The following NIPAL3 variants were observed in gnomAD, a reference collection of about 807,000 sequenced individuals.
NIPAL3 encodes NIPA-like protein 3.
A neutral mutation model predicts 47.2 loss-of-function variants in NIPAL3; 41 were observed. The ratio of observed to expected loss-of-function variants is 0.87; its 90% confidence interval spans 0.68 to 1.13. NIPAL3 has a LOEUF of 1.13. Ranked by LOEUF, NIPAL3 falls within the 50% of genes most tolerant of loss-of-function variation. NIPAL3 has a pLI of 0.00. For missense variants in NIPAL3, 449 were observed against 530.1 expected (o/e 0.85, Z 1.50); for synonymous variants, 194 against 209.6 (o/e 0.93, Z 0.64).
intron 8 of NIPAL3, among the ~76,000 whole-genome samples, chr1:24,457,518 G>A (rs142782727): frequency 7.9e-4 from 121 of 152,358 alleles, no homozygotes; most frequent in Middle Eastern, 6.8e-3. Context: ...TGCTGGCCCG[G>A]TGTGAGCCCA....
chr1:24,447,007 G>T (rs980370962), intron 5 of NIPAL3, among the ~76,000 whole-genome samples: 1 of 152,190 alleles, frequency 6.6e-6, no homozygotes, highest in Non-Finnish European at 1.5e-5. Context: ...AACAAGCTTG[G>T]TTTGTCCAAG....
chr1:24,421,216 A>G lies in NIPAL3; in HGVS notation c.93+1576A>G, dbSNP rs369634164. On this transcript the variant is annotated intron_variant, in intron 2 of 11. Transcript: ENST00000374399. Reference sequence around the variant, plus strand: ...ACCTACCACACAAAAAATACAAAAAATTAGCCAGGTGTGGTAGGACCACCT... The same window carrying G: ...ACCTACCACACAAAAAATACAAAAAGTTAGCCAGGTGTGGTAGGACCACCT... Among the ~76,000 whole-genome samples, 294 of 152,160 alleles carry G rather than the reference A, an allele frequency of 1.9e-3. 1 individual carries two copies. The highest frequency in any genetic ancestry group is 0.017 in the South Asian group (83 of 4,816).
rs371171488 is a variant in NIPAL3 at position 24,469,068 on chromosome 1, T to C, written c.1104T>C (p.Asn368=). 6.3e-5 allele frequency: 102 copies of C among 1,613,926 alleles called. No individual in the cohort carries two copies. Among genetic ancestry groups the C allele is most frequent in the South Asian group, 6.0e-4 (55 of 91,084 alleles). ...TTTCCTATGGGGCTCTGGAAAACAA[T>C]GACAACATTTCTGAGATCTACGCTC... ...ASFSYGALEN[N]DNISEIYAPA... is the part of the protein sequence containing the mutation. The change falls in exon 12 of 12, where the codon AAT becomes AAC. Residue 368 remains asparagine (N), a synonymous_variant. Transcript: ENST00000374399.
At position 24,419,293 on chromosome 1, in the gene NIPAL3, C is replaced by T; in HGVS notation, c.-255C>T. The T allele has an allele frequency of 8.4e-7, 1 of 1,196,054 alleles. No homozygotes were observed. The highest frequency in any genetic ancestry group is 1.0e-6 in the Non-Finnish European group (1 of 963,932). 74.1% of individuals were successfully genotyped at this position (1,196,054 alleles called of 1,614,324 possible). A position where few individuals can be genotyped will look rare whatever the true frequency, so the allele number is the denominator to read the frequency against. On this transcript the variant is annotated splice_region_variant and 5_prime_UTR_variant, in exon 2 of 12. Transcript: ENST00000374399. ...AATGTTCCTCTCCACCACCCTAGAG[C>T]ACCGCAAGAACTGGAAAACACACCC...
intron 11 of NIPAL3, chr1:24,465,708 T>C (rs974945428): frequency 3.3e-5 from 7 of 209,608 alleles, no homozygotes; most frequent in Non-Finnish European, 4.7e-5. Flanking sequence ...TCCTGCTGTG[T>C]GACCTCCCAA....
chr1:24,435,730 C>G (rs1056918556), intron 2 of NIPAL3, among the ~76,000 whole-genome samples: 3 of 152,200 alleles, frequency 2.0e-5, no homozygotes, highest in African/African-American at 7.2e-5. Flanking sequence ...TCTGTGTGGT[C>G]TCCGTTGACA....
chr1:24,441,959 T>C, intron 3 of NIPAL3, 96 bp from the exon 4 acceptor site: 1 of 1,320,176 alleles, frequency 7.6e-7, no homozygotes, highest in Non-Finnish European at 1.1e-6. Context: ...GTCTTCCCAA[T>C]TTATTTGCAA....
chr1:24,464,195 A>G, intron 11 of NIPAL3, 75 bp downstream of exon 11: 2 of 1,117,860 alleles, frequency 1.8e-6, no homozygotes, highest in Non-Finnish European at 2.6e-6. Context: ...AAAAGAGACA[A>G]CCAACTGCTG....
intron 7 of NIPAL3, 104 bp downstream of exon 7, chr1:24,453,608 T>A: frequency 1.1e-6 from 1 of 908,236 alleles, no homozygotes; most frequent in Non-Finnish European, 1.7e-6. Flanking sequence ...CAGAAGTTGC[T>A]TGAGACTGGC....
intron 5 of NIPAL3, among the ~76,000 whole-genome samples, chr1:24,446,933 C>T (rs1645698036): frequency 6.6e-6 from 1 of 152,094 alleles, no homozygotes; most frequent in African/African-American, 2.4e-5. Flanking sequence ...GATTGCCATC[C>T]CCAGGTCTGT....
chr1:24,418,538 T>C (rs987883419), intron 1 of NIPAL3, among the ~76,000 whole-genome samples: 1 of 152,148 alleles, frequency 6.6e-6, no homozygotes, highest in Non-Finnish European at 1.5e-5. Flanking sequence ...GAGGATTGCT[T>C]GAGCCCAGCT....
rs191011320 is a variant in NIPAL3 at position 24,471,790 on chromosome 1, C to G, written c.*2605C>G. ...GGGGGAATAAGTTACCTTCTCCGAG[C>G]CTGCAAGAACAAAAAACAAAAAGCA... On this transcript the variant is annotated 3_prime_UTR_variant, in exon 12 of 12. Transcript: ENST00000374399. 2 of 151,984 alleles carry G rather than the reference C, an allele frequency of 1.3e-5. No homozygotes were observed. The highest frequency in any genetic ancestry group is 2.9e-5 in the Non-Finnish European group (2 of 67,996). The allele number at this position is 151,984 out of a possible 1,614,324, so 9.4% of individuals were successfully genotyped here.
intron 2 of NIPAL3, among the ~76,000 whole-genome samples, chr1:24,438,875 C>CTA (rs1557505088): frequency 8.4e-6 from 1 of 118,520 alleles, no homozygotes; most frequent in Admixed American, 9.6e-5. Flanking sequence ...TGGGGACTTG[C>CTA]TATAGTGTGG....
At chr1:24,459,497 G>A (rs1288466870) in intron 9 of NIPAL3, among the ~76,000 whole-genome samples, 1 of 152,164 alleles carries the variant, frequency 6.6e-6, no homozygotes, top group African/African-American at 2.4e-5. Context: ...CTCAGAGGCT[G>A]CAATCATATA....
intron 3 of NIPAL3, among the ~76,000 whole-genome samples, chr1:24,440,623 G>T (rs945229692): frequency 6.6e-6 from 1 of 152,200 alleles, no homozygotes; most frequent in Non-Finnish European, 1.5e-5. Flanking sequence ...TACAGCTGCT[G>T]TGGATCCCCC....
chr1:24,467,652 T>C (rs1223449138), intron 11 of NIPAL3, among the ~76,000 whole-genome samples: 3 of 152,198 alleles, frequency 2.0e-5, no homozygotes, highest in Admixed American at 1.3e-4. Context: ...TTTATAACTA[T>C]TTGGAACAGT....
Position 24,416,126 on chromosome 1 carries a change from G to A in NIPAL3, c.-258+222G>A. ...GGCTACCTTACTAAAGGTGATGCCA[G>A]GCTCTACCAAACCAGGAAGTGACAT... On this transcript the variant is annotated intron_variant, in intron 1 of 11. Transcript: ENST00000374399. This position sits in a 1 kb window ranked among gnomAD's most constrained non-coding sequence, Gnocchi z 4.8. 1 of 985,468 alleles carries A rather than the reference G, an allele frequency of 1.0e-6. No individual in the cohort carries two copies. The highest frequency in any genetic ancestry group is 1.2e-6 in the Non-Finnish European group (1 of 829,984). 61.0% of individuals were successfully genotyped at this position (985,468 alleles called of 1,614,324 possible).
intron 8 of NIPAL3, among the ~76,000 whole-genome samples, chr1:24,458,482 A>G (rs1429613167): frequency 1.3e-5 from 2 of 152,154 alleles, no homozygotes; most frequent in Non-Finnish European, 2.9e-5. Flanking sequence ...AAGAATAATT[A>G]TGACACTAGG....
At chr1:24,462,123 A>C (rs1646498352) in intron 10 of NIPAL3, among the ~76,000 whole-genome samples, 1 of 152,180 alleles carries the variant, frequency 6.6e-6, no homozygotes. Flanking sequence ...GAAGGAGAGA[A>C]GTGCCAAGCA....
Sources: gnomAD v4.1 joint callset for allele counts (sites outside exome capture counted in the v4.1 genomes callset) on GRCh38, gnomAD v4.1.1 for gene constraint, Gnocchi (gnomAD v3.1) non-coding constraint, MANE v1.5 for transcripts, NCBI Gene and HGNC (gene_info 2026-07-23, HGNC 2026-07-21) for gene names.